Variants in NIM1K observed in about 807,000 individuals in gnomAD.
NIM1K encodes serine/threonine-protein kinase NIM1.
Under a neutral mutation model 37.1 loss-of-function variants are expected in NIM1K, and 35 were observed. That is an observed-to-expected ratio of 0.94 (90% CI 0.72 to 1.25). The LOEUF (loss-of-function observed/expected upper bound fraction) is 1.25. NIM1K is among the 50% of genes most tolerant of loss of function. The pLI is 0.00. For synonymous variants in NIM1K, 234 were observed against 206.6 expected, an observed-to-expected ratio of 1.13 and a Z score of -1.14; for missense variants, 564 against 548.0, an observed-to-expected ratio of 1.03 and a Z score of -0.29.
intron 1 of NIM1K, chr5:43,232,244 C>T: frequency 9.4e-7 from 1 of 1,064,752 alleles, no homozygotes; most frequent in Non-Finnish European, 1.4e-6. Context: ...CATGTATTTA[C>T]CATGGCAAGG....
chr5:43,266,322 G>A lies in NIM1K; in HGVS notation c.293-10735G>A, dbSNP rs111769135. The stretch of plus-strand genomic sequence containing the variant: ...TACCTACTCAAGCCTCAGCAATGGC[G>A]GATGTCCCTCCACCAGCCTCATTGC... On this transcript the variant is annotated intron_variant, in intron 2 of 3. Coordinates refer to ENST00000326035, the MANE Select transcript of NIM1K (RefSeq NM_153361.4). 7.5e-4 allele frequency among the ~76,000 whole-genome samples: 114 copies of A among 152,272 alleles called. 1 individual carries two copies. Among genetic ancestry groups the A allele is most frequent in the African/African-American group, 2.5e-3 (102 of 41,544 alleles).
Position 43,241,134 on chromosome 5 carries a change from AT to A in NIM1K, c.-694-3938del, listed in dbSNP as rs377558686. On this transcript the variant is annotated intron_variant, in intron 1 of 3. Coordinates refer to ENST00000326035, the MANE Select transcript of NIM1K (RefSeq NM_153361.4). ...TATCTCTCACCATTGCACTATCAAA[AT>A]TTTTTTTTTGCAGCTTTCAAATTTA... 4.5e-3 allele frequency among the ~76,000 whole-genome samples: 682 copies of A among 150,146 alleles called. 16 individuals are homozygous for A. The highest frequency in any genetic ancestry group is 0.014 in the South Asian group (68 of 4,746).
chr5:43,206,865 A>C, intron 1 of NIM1K: 1 of 769,306 alleles, frequency 1.3e-6, no homozygotes, highest in Non-Finnish European at 2.4e-6. Flanking sequence ...ATGCACAAAC[A>C]AGAACGGCAG....
intron 1 of NIM1K, chr5:43,231,883 C>G: frequency 5.2e-6 from 3 of 572,476 alleles, no homozygotes; most frequent in Non-Finnish European, 7.2e-6. Context: ...TAATCCTTCT[C>G]AAGGGCAGTC....
chr5:43,235,969 T>C (rs1752615027), intron 1 of NIM1K, among the ~76,000 whole-genome samples: 1 of 151,928 alleles, frequency 6.6e-6, no homozygotes, highest in South Asian at 2.1e-4. Flanking sequence ...AAGGAGTTAA[T>C]CTATACTTTA....
chr5:43,210,478 A>G (rs1752187401), intron 1 of NIM1K, among the ~76,000 whole-genome samples: 1 of 152,158 alleles, frequency 6.6e-6, no homozygotes. Context: ...GCACATAAAA[A>G]CTTATACTAC....
chr5:43,217,430 A>G (rs1393077272), intron 1 of NIM1K, among the ~76,000 whole-genome samples: 1 of 147,022 alleles, frequency 6.8e-6, no homozygotes, highest in Non-Finnish European at 1.5e-5. Flanking sequence ...TGCTGTGAGC[A>G]CTCATATACA....
intron 1 of NIM1K, among the ~76,000 whole-genome samples, chr5:43,213,712 T>C (rs1579959530): frequency 6.6e-6 from 1 of 152,138 alleles, no homozygotes; most frequent in Non-Finnish European, 1.5e-5. Flanking sequence ...GCCAGGCTGG[T>C]CTTGAACTCC....
intron 1 of NIM1K, among the ~76,000 whole-genome samples, chr5:43,224,637 C>T (rs1244961391): frequency 2.0e-5 from 3 of 150,898 alleles, no homozygotes; most frequent in African/African-American, 4.9e-5. Context: ...GATTACAACT[C>T]GAGAGCACAT....
intron 2 of NIM1K, among the ~76,000 whole-genome samples, chr5:43,256,560 G>A (rs1752949282): frequency 1.3e-5 from 2 of 152,150 alleles, no homozygotes; most frequent in South Asian, 2.1e-4. Flanking sequence ...CAGAGCAGAC[G>A]TTGTGAGTGC....
Position 43,280,244 on chromosome 5 carries a change from G to A in NIM1K, c.826G>A (p.Val276Met), listed in dbSNP as rs757015659. Residue 276 changes from valine to methionine, a missense_variant, in exon 4 of 4, where the codon GTG becomes ATG. Physicochemically the swap from Val to Met is conservative, Grantham distance 21. Coordinates refer to ENST00000326035, the MANE Select transcript of NIM1K (RefSeq NM_153361.4). ...TGTMPFRAET[V>M]AKLKKSILEG... ...CACCATGCCATTTCGGGCAGAAACC[G>A]TGGCCAAACTAAAAAAGAGCATCCT... 13 of 1,613,984 alleles carry A rather than the reference G, an allele frequency of 8.1e-6. No individual in the cohort carries two copies. The highest frequency in any genetic ancestry group is 3.3e-5 in the South Asian group (3 of 91,086).
intron 2 of NIM1K, among the ~76,000 whole-genome samples, chr5:43,248,953 C>T (rs1245630163): frequency 2.0e-5 from 3 of 151,894 alleles, no homozygotes; most frequent in Non-Finnish European, 4.4e-5. Context: ...CAGCTCACCT[C>T]AACCTCCGCC....
chr5:43,266,924 G>C (rs1281621017), intron 2 of NIM1K, among the ~76,000 whole-genome samples: 1 of 152,092 alleles, frequency 6.6e-6, no homozygotes, highest in Non-Finnish European at 1.5e-5. Context: ...TTTTTGTTAT[G>C]TCATTTCCTG....
intron 1 of NIM1K, among the ~76,000 whole-genome samples, chr5:43,233,378 T>C: frequency 6.6e-6 from 1 of 152,058 alleles, no homozygotes. Flanking sequence ...TTACCTCCAG[T>C]GCTGGGTAAA....
At chr5:43,211,091 G>C (rs1482306333) in intron 1 of NIM1K, among the ~76,000 whole-genome samples, 1 of 152,180 alleles carries the variant, frequency 6.6e-6, no homozygotes, top group African/African-American at 2.4e-5. Flanking sequence ...AGAATCACTT[G>C]AACCCAGGAG....
intron 2 of NIM1K, among the ~76,000 whole-genome samples, chr5:43,251,314 TAGG>T (rs1459988176): frequency 6.6e-6 from 1 of 152,176 alleles, no homozygotes; most frequent in Non-Finnish European, 1.5e-5. Flanking sequence ...TTGCCTTAAT[TAGG>T]AGAATTAAAG....
At chr5:43,229,900 G>T (rs1752513358) in intron 1 of NIM1K, among the ~76,000 whole-genome samples, 1 of 151,788 alleles carries the variant, frequency 6.6e-6, no homozygotes, top group Non-Finnish European at 1.5e-5. Flanking sequence ...CCAAAGTGCT[G>T]GGATTACAGG....
intron 1 of NIM1K, among the ~76,000 whole-genome samples, chr5:43,216,134 T>G (rs953624226): frequency 6.6e-6 from 1 of 152,126 alleles, no homozygotes; most frequent in African/African-American, 2.4e-5. Flanking sequence ...TTATTGCCAT[T>G]TTATTTCCTG....
chr5:43,227,896 A>T lies in NIM1K; in HGVS notation c.-694-17186A>T, dbSNP rs1027192075. Reference sequence around the variant, plus strand: ...AGGGCTGGAATGATCTGTAAACATCATAGGTTCCAACATTCTCACTTGCCA... The same window carrying T: ...AGGGCTGGAATGATCTGTAAACATCTTAGGTTCCAACATTCTCACTTGCCA... On this transcript the variant is annotated intron_variant, in intron 1 of 3. Transcript: ENST00000326035. 4.3e-4 allele frequency among the ~76,000 whole-genome samples: 65 copies of T among 152,254 alleles called. 1 individual carries two copies. Among genetic ancestry groups the T allele is most frequent in the African/African-American group, 1.4e-3 (59 of 41,542 alleles).
Sources: allele counts gnomAD v4.1 joint callset (sites outside exome capture counted in the v4.1 genomes callset), GRCh38; gene constraint gnomAD v4.1.1; transcripts MANE v1.5; gene names NCBI Gene and HGNC (gene_info 2026-07-23, HGNC 2026-07-21).